LRMDA: variants seen among roughly 807,000 people sequenced by gnomAD.
LRMDA encodes the protein leucine-rich melanocyte differentiation-associated protein.
LRMDA carries 18 observed loss-of-function variants against 29.8 expected under a neutral mutation model. That is an observed-to-expected ratio of 0.60 (90% CI 0.42 to 0.90). LRMDA has a LOEUF of 0.90. Ranked by LOEUF, LRMDA falls within the 40% of genes least tolerant of loss-of-function variation. The pLI, the probability that LRMDA is intolerant of heterozygous loss-of-function variation, is 0.00. For synonymous variants in LRMDA, 125 were observed against 109.4 expected (o/e 1.14, Z -0.89); for missense variants, 273 against 273.9 (o/e 1.00, Z 0.02).
At chr10:75,789,512 G>C (rs1282007827) in intron 2 of LRMDA, among the ~76,000 whole-genome samples, 1 of 152,200 alleles carries the variant, frequency 6.6e-6, no homozygotes, top group Non-Finnish European at 1.5e-5. Context: ...CTAGGGGTAG[G>C]TGTGTAAGCT....
At chr10:76,402,855 A>G (rs1272841309) in intron 6 of LRMDA, among the ~76,000 whole-genome samples, 2 of 152,166 alleles carry the variant, frequency 1.3e-5, no homozygotes, top group East Asian at 3.9e-4. Context: ...TCTTTAAAAT[A>G]GAGATTTTTT....
intron 6 of LRMDA, among the ~76,000 whole-genome samples, chr10:76,404,026 C>A (rs752992217): frequency 1.3e-5 from 2 of 151,984 alleles, no homozygotes; most frequent in African/African-American, 4.8e-5. Flanking sequence ...TTCCCTCTTT[C>A]GCAACTGCCC....
chr10:76,505,727 C>T (rs1842952922), intron 6 of LRMDA, among the ~76,000 whole-genome samples: 1 of 152,072 alleles, frequency 6.6e-6, no homozygotes, highest in Admixed American at 6.6e-5. Context: ...CAATGAGCTT[C>T]CTTGCCATCC....
At chr10:75,890,288 C>A (rs1356496117) in intron 2 of LRMDA, among the ~76,000 whole-genome samples, 1 of 152,192 alleles carries the variant, frequency 6.6e-6, no homozygotes. Context: ...AATGGAATAT[C>A]TTAGGCAGTC....
chr10:75,550,664 A>G (rs1014940210), intron 2 of LRMDA, among the ~76,000 whole-genome samples: 22 of 152,112 alleles, frequency 1.4e-4, no homozygotes, highest in Middle Eastern at 6.8e-3. Flanking sequence ...TAATGTAACT[A>G]TTGGTATAGT....
chr10:75,609,487 C>T (rs1841001039), intron 2 of LRMDA, among the ~76,000 whole-genome samples: 1 of 152,206 alleles, frequency 6.6e-6, no homozygotes, highest in African/African-American at 2.4e-5. Flanking sequence ...TGCTCTCCAG[C>T]ACCTACTTCT....
intron 6 of LRMDA, among the ~76,000 whole-genome samples, chr10:76,475,239 A>C (rs1282962933): frequency 1.3e-5 from 2 of 151,786 alleles, no homozygotes; most frequent in Non-Finnish European, 2.9e-5. Flanking sequence ...GGATTGATGA[A>C]AATGTTTTCA....
chr10:76,347,456 T>C (rs11001743), intron 6 of LRMDA, among the ~76,000 whole-genome samples: 16,436 of 152,182 alleles, frequency 0.11, 1,031 homozygotes, highest in East Asian at 0.32. Flanking sequence ...GAGTGTCTAG[T>C]AAACTTCAAC....
At chr10:75,925,993 A>G (rs1846114126) in intron 2 of LRMDA, among the ~76,000 whole-genome samples, 1 of 152,160 alleles carries the variant, frequency 6.6e-6, no homozygotes, top group Non-Finnish European at 1.5e-5. Flanking sequence ...CTCTGTGCAG[A>G]GAAGGAAACT....
At chr10:76,250,317 C>G (rs996118582) in intron 5 of LRMDA, among the ~76,000 whole-genome samples, 1 of 152,148 alleles carries the variant, frequency 6.6e-6, no homozygotes, top group African/African-American at 2.4e-5. Context: ...AATTGAGACT[C>G]TACTCATTTA....
chr10:75,787,598 C>T (rs948175870), intron 2 of LRMDA, among the ~76,000 whole-genome samples: 1 of 152,204 alleles, frequency 6.6e-6, no homozygotes, highest in Non-Finnish European at 1.5e-5. Context: ...GGGCCCAACC[C>T]CTTACCCCTT....
intron 5 of LRMDA, among the ~76,000 whole-genome samples, chr10:76,205,517 C>G (rs776964016): frequency 6.6e-6 from 1 of 152,158 alleles, no homozygotes; most frequent in African/African-American, 2.4e-5. Context: ...CCTTGAGGCT[C>G]AGCTACAGGA....
intron 5 of LRMDA, among the ~76,000 whole-genome samples, chr10:76,106,085 T>C (rs1276908622): frequency 1.3e-5 from 2 of 152,154 alleles, no homozygotes; most frequent in African/African-American, 2.4e-5. Context: ...TTGTGGTCAT[T>C]TGTTATAGCA....
chr10:76,080,152 C>T (rs1033559701), intron 5 of LRMDA, among the ~76,000 whole-genome samples: 1 of 152,156 alleles, frequency 6.6e-6, no homozygotes, highest in Non-Finnish European at 1.5e-5. Flanking sequence ...GAATATATAT[C>T]TCACCTTCTT....
chr10:75,832,617 C>T (rs1483464195), intron 2 of LRMDA, among the ~76,000 whole-genome samples: 3 of 152,214 alleles, frequency 2.0e-5, no homozygotes, highest in Non-Finnish European at 4.4e-5. Flanking sequence ...TACCAATTTA[C>T]TGTATTAATC....
intron 5 of LRMDA, among the ~76,000 whole-genome samples, chr10:76,150,501 C>T (rs1489307017): frequency 6.6e-6 from 1 of 152,186 alleles, no homozygotes; most frequent in African/African-American, 2.4e-5. Context: ...CTCCGCTGAC[C>T]CTGGCCCCTT....
intron 5 of LRMDA, among the ~76,000 whole-genome samples, chr10:76,109,965 C>T (rs551715794): frequency 7.0e-4 from 107 of 152,298 alleles, no homozygotes; most frequent in South Asian, 2.3e-3. Context: ...CTCTCTTCGT[C>T]TCGGGCTGTA....
intron 2 of LRMDA, among the ~76,000 whole-genome samples, chr10:75,823,684 TAG>T (rs1491240794): frequency 9.2e-6 from 1 of 108,204 alleles, no homozygotes; most frequent in African/African-American, 3.4e-5. Flanking sequence ...GATTAAAATG[TAG>T]TGTGTGTGTG....
At chr10:75,675,569 G>A (rs889489008) in intron 2 of LRMDA, among the ~76,000 whole-genome samples, 3 of 152,156 alleles carry the variant, frequency 2.0e-5, no homozygotes, top group East Asian at 3.9e-4. Flanking sequence ...GTGATTATAC[G>A]AAGCTAGGTC....
Sources: allele counts gnomAD v4.1 joint callset (sites outside exome capture counted in the v4.1 genomes callset), GRCh38; gene constraint gnomAD v4.1.1; transcripts MANE v1.5; gene names NCBI Gene and HGNC (gene_info 2026-07-23, HGNC 2026-07-21).